MARCHF4: variants seen among roughly 807,000 people sequenced by gnomAD.
MARCHF4 encodes membrane associated ring-CH-type finger 4.
In MARCHF4, 14 loss-of-function variants were observed where a neutral mutation model predicts 43.9. That is an observed-to-expected ratio of 0.32 (90% confidence interval 0.21 to 0.50). The LOEUF is 0.50. Among genes scored for constraint, MARCHF4 ranks in the 20% least tolerant of loss-of-function variants. The pLI, the probability that MARCHF4 is intolerant of heterozygous loss-of-function variation, is 0.98. For missense variants in MARCHF4, 468 were observed against 536.7 expected (o/e 0.87, Z 1.27); for synonymous variants, 226 against 213.3 (o/e 1.06, Z -0.52).
At chr2:216,282,890 C>A (rs532583306) in intron 2 of MARCHF4, among the ~76,000 whole-genome samples, 1 of 152,328 alleles carries the variant, frequency 6.6e-6, no homozygotes, top group Admixed American at 6.5e-5. Flanking sequence ...CTGCCTCCCT[C>A]TCCTGTTTCT....
intron 3 of MARCHF4, among the ~76,000 whole-genome samples, chr2:216,271,107 C>G (rs886166624): frequency 6.6e-6 from 1 of 152,158 alleles, no homozygotes; most frequent in Non-Finnish European, 1.5e-5. Flanking sequence ...GCCTCCCCAC[C>G]ACCAGTGGGG....
chr2:216,354,986 T>TCTTTCTTTCTTTCTTTCTTTCTTTCTTTC (rs1559106757), intron 1 of MARCHF4, among the ~76,000 whole-genome samples: 5 of 139,834 alleles, frequency 3.6e-5, no homozygotes, highest in East Asian at 4.1e-4. Context: ...TTTCTTTCTT[T>TCTTTCTTTCTTTCTTTCTTTCTTTCTTTC]TTTGAGACAG....
intron 3 of MARCHF4, among the ~76,000 whole-genome samples, chr2:216,262,423 G>C (rs572620677): frequency 2.0e-5 from 3 of 152,332 alleles, no homozygotes; most frequent in Non-Finnish European, 2.9e-5. Flanking sequence ...ACTTGCAAGA[G>C]AGTGATTATC....
At chr2:216,293,923 A>G (rs79600201) in intron 1 of MARCHF4, among the ~76,000 whole-genome samples, 2,887 of 91,658 alleles carry the variant, frequency 0.031, 240 homozygotes, top group African/African-American at 0.074. Flanking sequence ...TGTATTTCTA[A>G]TGACCTAAAT....
chr2:216,320,607 TTTTCTTTCTTTCTTTCTTTC>T (rs552086212), intron 1 of MARCHF4, among the ~76,000 whole-genome samples: 1,685 of 112,154 alleles, frequency 0.015, 42 homozygotes, highest in Middle Eastern at 0.025. Flanking sequence ...TATAGCCTCT[TTTTCTTTCTTTCTTTCTTTC>T]TTTCTTTCTT....
At chr2:216,278,218 TTTTATTTA>T (rs3080594) in intron 2 of MARCHF4, among the ~76,000 whole-genome samples, 20 of 151,026 alleles carry the variant, frequency 1.3e-4, no homozygotes, top group Admixed American at 9.2e-4. Context: ...CAGATGATTC[TTTTATTTA>T]TTTATTTATT....
rs374845184 is a variant in MARCHF4 at position 216,259,492 on chromosome 2, G to T, written c.1053C>A (p.Thr351=). ...CCTGCTCAGGGGCAGGGGTGCCTGC[G>T]GTCTCCTCTTCCGAGGAGGGGATAT... ...QANIPSSEEE[T]AGTPAPEQGP... is the part of the protein sequence containing the mutation. Residue 351 remains threonine, a synonymous_variant, in exon 4 of 4, where the codon ACC becomes ACA. Coordinates refer to ENST00000273067, the MANE Select transcript of MARCHF4 (RefSeq NM_020814.3). 6.2e-7 allele frequency: 1 copy of T among 1,614,144 alleles called. No homozygotes were observed. Among genetic ancestry groups the T allele is most frequent in the Non-Finnish European group, 8.5e-7 (1 of 1,180,004 alleles).
intron 1 of MARCHF4, among the ~76,000 whole-genome samples, chr2:216,286,131 G>C (rs1342234130): frequency 6.6e-6 from 1 of 152,220 alleles, no homozygotes; most frequent in African/African-American, 2.4e-5. Flanking sequence ...CTGGCTAAGG[G>C]ACAAGAGGCC....
At chr2:216,332,293 G>A (rs1446646213) in intron 1 of MARCHF4, among the ~76,000 whole-genome samples, 1 of 151,680 alleles carries the variant, frequency 6.6e-6, no homozygotes, top group African/African-American at 2.4e-5. Flanking sequence ...CCAGGACGCT[G>A]AGGCACAAGA....
intron 1 of MARCHF4, among the ~76,000 whole-genome samples, chr2:216,362,771 G>A (rs4674081): frequency 0.07 from 10,656 of 152,130 alleles, 987 homozygotes; most frequent in East Asian, 0.42. Flanking sequence ...GTCAGCCCTG[G>A]GTACACCTCA....
chr2:216,279,006 G>A (rs1172094265), intron 2 of MARCHF4, among the ~76,000 whole-genome samples: 7 of 152,228 alleles, frequency 4.6e-5, no homozygotes, highest in African/African-American at 9.6e-5. Context: ...AGCCCTAGGC[G>A]AAAACAGACA....
intron 1 of MARCHF4, among the ~76,000 whole-genome samples, chr2:216,302,919 A>G (rs922189733): frequency 6.0e-5 from 9 of 150,964 alleles, no homozygotes; most frequent in Non-Finnish European, 1.0e-4. Context: ...AAAAAAAAAA[A>G]AAAAGAAAAT....
At chr2:216,270,853 C>T (rs1278896881) in intron 3 of MARCHF4, among the ~76,000 whole-genome samples, 1 of 152,004 alleles carries the variant, frequency 6.6e-6, no homozygotes, top group Non-Finnish European at 1.5e-5. Context: ...AAGTACCTCT[C>T]AAGGTCATCC....
At chr2:216,351,732 C>T (rs1692407382) in intron 1 of MARCHF4, among the ~76,000 whole-genome samples, 1 of 152,140 alleles carries the variant, frequency 6.6e-6, no homozygotes, top group Admixed American at 6.5e-5. Context: ...ACACAAACAC[C>T]TCACTTAACC....
intron 3 of MARCHF4, among the ~76,000 whole-genome samples, chr2:216,277,244 G>T (rs1447215120): frequency 6.6e-6 from 1 of 152,146 alleles, no homozygotes; most frequent in Non-Finnish European, 1.5e-5. Flanking sequence ...GGCAGGGAGT[G>T]GGGGCAGATT....
At chr2:216,328,971 G>T (rs1692040725) in intron 1 of MARCHF4, among the ~76,000 whole-genome samples, 1 of 152,230 alleles carries the variant, frequency 6.6e-6, no homozygotes, top group Admixed American at 6.5e-5. Context: ...CGGTGAGGTG[G>T]AGGTTGCAGT....
intron 2 of MARCHF4, among the ~76,000 whole-genome samples, chr2:216,278,526 GC>G (rs1346981174): frequency 2.0e-5 from 3 of 152,106 alleles, no homozygotes; most frequent in African/African-American, 7.2e-5. Flanking sequence ...TGCCCAGCCT[GC>G]CCCCAGATCA....
Position 216,354,963 on chromosome 2 carries a change from CT to C in MARCHF4, c.516+14781del, listed in dbSNP as rs1299407365. On this transcript the variant is annotated intron_variant, in intron 1 of 3. Transcript: ENST00000273067. The stretch of plus-strand genomic sequence containing the variant: ...TCTTTCTTTCTTTCTTTCTTTCTTT[CT>C]TTCTTTCTTTCTTTCTTTCTTTTTT... Among the ~76,000 whole-genome samples the C allele has an allele frequency of 3.1e-5, 4 of 129,118 alleles. No individual in the cohort carries two copies. The East Asian group carries it at 7.2e-4, about 23-fold the overall frequency. 84.7% of individuals were successfully genotyped at this position (129,118 alleles called of 152,430 possible). A position where few individuals can be genotyped will look rare whatever the true frequency, so the allele number is the denominator to read the frequency against.
At chr2:216,277,530 C>T in intron 3 of MARCHF4, 142 bp downstream of exon 3, 1 of 802,270 alleles carries the variant, frequency 1.2e-6, no homozygotes, top group Non-Finnish European at 1.9e-6. Context: ...GAATCCAAGC[C>T]TCTGGCCTCT....
Sources: allele counts gnomAD v4.1 joint callset (sites outside exome capture counted in the v4.1 genomes callset), GRCh38; gene constraint gnomAD v4.1.1; transcripts MANE v1.5; gene names NCBI Gene and HGNC (gene_info 2026-07-23, HGNC 2026-07-21).